PIP5K1B: variants seen among roughly 807,000 people sequenced by gnomAD.
The protein encoded by PIP5K1B is phosphatidylinositol-4-phosphate 5-kinase type 1 beta.
A neutral mutation model predicts 67.0 loss-of-function variants in PIP5K1B; 42 were observed. That is an observed-to-expected ratio of 0.63 (90% CI 0.49 to 0.81). The LOEUF is 0.81. PIP5K1B is among the 30% of genes least tolerant of loss of function. The probability of loss-of-function intolerance (pLI) is 0.00; values close to 1 mark genes in which losing one functional copy is unlikely to be tolerated. For synonymous variants in PIP5K1B, 214 were observed against 231.4 expected, an observed-to-expected ratio of 0.92 and a Z score of 0.68; for missense variants, 459 against 646.3, an observed-to-expected ratio of 0.71 and a Z score of 3.14.
intron 2 of PIP5K1B, among the ~76,000 whole-genome samples, chr9:68,763,919 G>A (rs1830304118): frequency 6.6e-6 from 1 of 151,994 alleles, no homozygotes; most frequent in Admixed American, 6.6e-5. Flanking sequence ...TGAAAGGCTG[G>A]TGGATTAGCC....
intron 1 of PIP5K1B, among the ~76,000 whole-genome samples, chr9:68,712,965 A>G (rs2132241179): frequency 6.6e-6 from 1 of 152,304 alleles, no homozygotes; most frequent in South Asian, 2.1e-4. Context: ...GATGCCTCAC[A>G]TAAAGGTGGT....
chr9:68,884,436 G>A (rs1163649066), intron 6 of PIP5K1B, among the ~76,000 whole-genome samples: 1 of 151,012 alleles, frequency 6.6e-6, no homozygotes, highest in Non-Finnish European at 1.5e-5. Context: ...GGCTGTAGCA[G>A]GTGGATTGCT....
chr9:68,869,160 C>G (rs562277262), intron 5 of PIP5K1B, among the ~76,000 whole-genome samples: 1 of 152,244 alleles, frequency 6.6e-6, no homozygotes, highest in African/African-American at 2.4e-5. Flanking sequence ...GGGCTGTGGA[C>G]AAGTACCAGT....
chr9:68,969,196 G>A lies in PIP5K1B; in HGVS notation c.1503-21944G>A, dbSNP rs188432685. 4.5e-3 allele frequency among the ~76,000 whole-genome samples: 689 copies of A among 151,904 alleles called. 2 individuals are homozygous for A. The highest frequency in any genetic ancestry group is 5.4e-3 in the Non-Finnish European group (369 of 67,964). On this transcript the variant is annotated intron_variant, in intron 14 of 15. Coordinates refer to ENST00000265382, the MANE Select transcript of PIP5K1B (RefSeq NM_003558.4). ...ATCCTGGCTAACACAGTGAAACCCCGTCTCTACTAAAAACACAAAAAATTA... is the reference window on the plus strand; with the variant it reads ...ATCCTGGCTAACACAGTGAAACCCCATCTCTACTAAAAACACAAAAAATTA...
intron 2 of PIP5K1B, among the ~76,000 whole-genome samples, chr9:68,806,633 C>T (rs894442514): frequency 2.6e-5 from 4 of 152,214 alleles, no homozygotes; most frequent in Non-Finnish European, 4.4e-5. Context: ...CGTATCAGCA[C>T]AGGATAATTT....
Position 68,919,515 on chromosome 9 carries a change from A to G in PIP5K1B, c.1020A>G (p.Glu340=). The G allele has an allele frequency of 6.2e-7, 1 of 1,601,838 alleles. No homozygotes were observed. The highest frequency in any genetic ancestry group is 8.5e-7 in the Non-Finnish European group (1 of 1,171,834). The change falls in exon 10 of 16, where the codon GAA becomes GAG. Residue 340 remains glutamate, a synonymous_variant. Coordinates refer to ENST00000265382, the MANE Select transcript of PIP5K1B (RefSeq NM_003558.4). The stretch of plus-strand genomic sequence containing the variant: ...TTCCAGCTAAAAGCCATAGGGGAGA[A>G]AAACTACTTTTATTTATGGGCATTA... ...GGIPAKSHRG[E]KLLLFMGIID... is the part of the protein sequence containing the mutation.
At chr9:68,895,398 C>T (rs1023152827) in intron 8 of PIP5K1B, among the ~76,000 whole-genome samples, 3 of 151,818 alleles carry the variant, frequency 2.0e-5, no homozygotes, top group Non-Finnish European at 2.9e-5. Context: ...GAGAACCGTC[C>T]AGCCACTTGG....
At chr9:68,761,076 T>C (rs1360326344) in intron 2 of PIP5K1B, among the ~76,000 whole-genome samples, 1 of 152,110 alleles carries the variant, frequency 6.6e-6, no homozygotes, top group Non-Finnish European at 1.5e-5. Context: ...TTATATTGGC[T>C]ATGCAACTAA....
At chr9:68,847,787 C>A (rs1396097856) in intron 4 of PIP5K1B, among the ~76,000 whole-genome samples, 1 of 152,014 alleles carries the variant, frequency 6.6e-6, no homozygotes, top group African/African-American at 2.4e-5. Flanking sequence ...AAAGAGTTAA[C>A]CATGGATTTG....
chr9:68,766,913 A>G (rs1830453825), intron 2 of PIP5K1B, among the ~76,000 whole-genome samples: 1 of 152,230 alleles, frequency 6.6e-6, no homozygotes, highest in Non-Finnish European at 1.5e-5. Context: ...GGAGAGAGTC[A>G]GTAACCATGA....
At chr9:68,963,666 C>T (rs1246636437) in intron 14 of PIP5K1B, among the ~76,000 whole-genome samples, 1 of 152,174 alleles carries the variant, frequency 6.6e-6, no homozygotes, top group African/African-American at 2.4e-5. Flanking sequence ...TCAGCTGTTA[C>T]GGTGACTAAC....
intron 2 of PIP5K1B, among the ~76,000 whole-genome samples, chr9:68,774,975 C>T (rs1830844970): frequency 6.6e-6 from 1 of 152,180 alleles, no homozygotes. Flanking sequence ...CAGACAAAAC[C>T]TCTCTAGTAA....
intron 1 of PIP5K1B, among the ~76,000 whole-genome samples, chr9:68,716,839 T>G (rs958506989): frequency 1.3e-5 from 2 of 152,172 alleles, no homozygotes; most frequent in African/African-American, 4.8e-5. Context: ...GGAATCAACC[T>G]AGGTGACCAT....
intron 2 of PIP5K1B, chr9:68,789,505 G>C (rs1587453237): frequency 1.9e-6 from 1 of 521,250 alleles, no homozygotes; most frequent in East Asian, 5.4e-5. Flanking sequence ...ACACTTAAGA[G>C]ACAGTGGTGA....
At position 68,820,355 on chromosome 9, in the gene PIP5K1B, G is replaced by C. The variant is rs145024735; in HGVS notation, c.-1+1810G>C. ...GATACAGCATGGAAAACAATAGTTT[G>C]TGAAACATCTGTCCTGGAAGACTCT... On this transcript the variant is annotated intron_variant, in intron 3 of 15. Transcript: ENST00000265382. 6.6e-3 allele frequency among the ~76,000 whole-genome samples: 1,012 copies of C among 152,296 alleles called. 6 individuals are homozygous for C. Among genetic ancestry groups the C allele is most frequent in the African/African-American group, 0.023 (954 of 41,554 alleles).
intron 2 of PIP5K1B, among the ~76,000 whole-genome samples, chr9:68,815,390 T>G (rs1200413812): frequency 6.6e-6 from 1 of 151,720 alleles, no homozygotes; most frequent in Non-Finnish European, 1.5e-5. Flanking sequence ...TCAAAACAAT[T>G]AAAAGGAGAG....
intron 2 of PIP5K1B, among the ~76,000 whole-genome samples, chr9:68,755,515 AT>A (rs1294502055): frequency 6.6e-6 from 1 of 152,206 alleles, no homozygotes; most frequent in African/African-American, 2.4e-5. Context: ...GTAACACAAG[AT>A]TTTTCCTCCT....
At chr9:68,931,349 G>A (rs554172029) in intron 12 of PIP5K1B, among the ~76,000 whole-genome samples, 33 of 152,230 alleles carry the variant, frequency 2.2e-4, no homozygotes, top group African/African-American at 6.5e-4. Flanking sequence ...ACAAACACTC[G>A]TGCACCTATT....
At chr9:68,764,074 CTTTTTTTTTTT>C (rs72304177) in intron 2 of PIP5K1B, among the ~76,000 whole-genome samples, 2 of 73,516 alleles carry the variant, frequency 2.7e-5, no homozygotes, top group African/African-American at 5.4e-5. Context: ...ACTATAACTT[CTTTTTTTTTTT>C]TTTTTTTTTT....
Sources: allele counts gnomAD v4.1 joint callset (sites outside exome capture counted in the v4.1 genomes callset), GRCh38; gene constraint gnomAD v4.1.1; transcripts MANE v1.5; gene names NCBI Gene and HGNC (gene_info 2026-07-23, HGNC 2026-07-21).